Variants in TMEM272 observed in about 807,000 individuals in gnomAD.
The protein encoded by TMEM272 is transmembrane protein 272, also known as long intergenic non-protein coding RNA 282.
In TMEM272, 8 loss-of-function variants were observed where a neutral mutation model predicts 3.7. The ratio of observed to expected loss-of-function variants is 2.17; its 90% CI spans 1.27 to 3.91. The LOEUF (loss-of-function observed/expected upper bound fraction) is 3.91, where lower values mean the gene tolerates loss of function less well. TMEM272 is among the 30% of genes most tolerant of loss of function. The probability of loss-of-function intolerance (pLI) is 0.00; values close to 1 mark genes in which losing one functional copy is unlikely to be tolerated. For synonymous variants in TMEM272, 63 were observed against 39.8 expected, an observed-to-expected ratio of 1.58 and a Z score of -2.20; for missense variants, 166 against 91.5, an observed-to-expected ratio of 1.81 and a Z score of -3.32.
the TMEM272 span, among the ~76,000 whole-genome samples, chr13:51,918,340 G>A: frequency 3.3e-5 from 5 of 152,066 alleles, no homozygotes; most frequent in Admixed American, 1.3e-4. Flanking sequence ...GACACTTCCC[G>A]CTTTAAAAAT....
At chr13:51,913,474 G>A in the TMEM272 span, among the ~76,000 whole-genome samples, 4 of 152,304 alleles carry the variant, frequency 2.6e-5, no homozygotes, top group Admixed American at 2.0e-4. Context: ...CAGTGACAAC[G>A]TGTGCTTACT....
chr13:51,819,365 A>C (rs1022997706), intron 4 of TMEM272, among the ~76,000 whole-genome samples: 3 of 152,180 alleles, frequency 2.0e-5, no homozygotes, highest in Non-Finnish European at 4.4e-5. Flanking sequence ...AGTCCAGCTC[A>C]AGTTTCCATC....
At chr13:51,931,035 A>T in the TMEM272 span, among the ~76,000 whole-genome samples, 1 of 152,204 alleles carries the variant, frequency 6.6e-6, no homozygotes, top group African/African-American at 2.4e-5. Context: ...CTAAGGTCTT[A>T]AAAGACTAAA....
chr13:51,879,662 C>T, the TMEM272 span, among the ~76,000 whole-genome samples: 1 of 152,208 alleles, frequency 6.6e-6, no homozygotes, highest in African/African-American at 2.4e-5. Context: ...GCCCAACATA[C>T]ACATGACCCT....
chr13:51,913,615 C>G, the TMEM272 span, among the ~76,000 whole-genome samples: 2 of 152,176 alleles, frequency 1.3e-5, no homozygotes, highest in African/African-American at 4.8e-5. Context: ...GGCTACAGGG[C>G]TTGGGGCAGC....
chr13:51,910,999 C>G, the TMEM272 span, among the ~76,000 whole-genome samples: 1 of 152,204 alleles, frequency 6.6e-6, no homozygotes, highest in African/African-American at 2.4e-5. Context: ...AAGAAACTCC[C>G]AGCTGACAGA....
upstream of TMEM272, among the ~76,000 whole-genome samples, chr13:51,848,816 T>G (rs560073731): frequency 6.6e-6 from 1 of 152,298 alleles, no homozygotes; most frequent in Non-Finnish European, 1.5e-5. Context: ...TTCCCCAAGA[T>G]TGCACAAAAG....
the TMEM272 span, among the ~76,000 whole-genome samples, chr13:51,869,491 A>ATT: frequency 0.44 from 62,454 of 142,668 alleles, 14,793 homozygotes; most frequent in Non-Finnish European, 0.54. Flanking sequence ...CAATTCAGTA[A>ATT]TTTTTTTTTT....
the TMEM272 span, among the ~76,000 whole-genome samples, chr13:51,889,884 G>A: frequency 5.9e-5 from 9 of 152,066 alleles, no homozygotes; most frequent in Non-Finnish European, 1.2e-4. Flanking sequence ...CAGGTGATCC[G>A]CCCACCTCGG....
chr13:51,887,378 A>G, the TMEM272 span, among the ~76,000 whole-genome samples: 266 of 152,354 alleles, frequency 1.7e-3, no homozygotes, highest in Middle Eastern at 6.8e-3. Context: ...TGGGGCCCCA[A>G]GATGGCAAAG....
intron 3 of TMEM272, among the ~76,000 whole-genome samples, chr13:51,823,214 G>T (rs1471741655): frequency 6.6e-6 from 1 of 152,212 alleles, no homozygotes; most frequent in Non-Finnish European, 1.5e-5. Context: ...GAGTATCTGG[G>T]ATCACAGGGA....
At chr13:51,861,547 A>C in the TMEM272 span, among the ~76,000 whole-genome samples, 1 of 152,222 alleles carries the variant, frequency 6.6e-6, no homozygotes, top group Admixed American at 6.5e-5. Context: ...GAGATTATCT[A>C]ATCTAAGCAA....
the TMEM272 span, among the ~76,000 whole-genome samples, chr13:51,907,315 C>T: frequency 6.6e-6 from 1 of 152,196 alleles, no homozygotes; most frequent in African/African-American, 2.4e-5. Flanking sequence ...GCCTTGCTGA[C>T]CTTGGCAGGT....
At position 51,817,098 on chromosome 13, in the gene TMEM272, A is replaced by G. The variant is rs1325180031; in HGVS notation, c.217T>C (p.Tyr73His). The change falls in exon 5 of 5, where the codon TAC (tyrosine) becomes CAC (histidine). Residue 73 changes from tyrosine to histidine, a missense_variant. Physicochemically the swap from Tyr to His is moderately conservative, Grantham distance 83. Transcript: ENST00000629372. ...VGTLKVSLLL[Y>H]DSTRMRRLLS... is the part of the protein sequence containing the mutation. ...AGCCGCCTCATCCTGGTGGAGTCGT[A>G]CAACAGGAGAGACACCTGGGGCGTG... The G allele has an allele frequency of 1.4e-5, 10 of 702,126 alleles. No homozygotes were observed. In the East Asian group the frequency reaches 2.7e-4, roughly 19 times the overall value. 43.5% of individuals were successfully genotyped at this position (702,126 alleles called of 1,614,324 possible).
At chr13:51,891,868 G>T in the TMEM272 span, among the ~76,000 whole-genome samples, 1 of 152,142 alleles carries the variant, frequency 6.6e-6, no homozygotes, top group Non-Finnish European at 1.5e-5. Context: ...GGGGGTTGGA[G>T]GGGGGCAAGG....
the TMEM272 span, among the ~76,000 whole-genome samples, chr13:51,894,477 T>C: frequency 3.3e-5 from 5 of 152,216 alleles, no homozygotes; most frequent in Non-Finnish European, 7.3e-5. Context: ...TATTCACCCT[T>C]GGAGCCAATC....
At chr13:51,896,325 G>T in the TMEM272 span, among the ~76,000 whole-genome samples, 2 of 150,774 alleles carry the variant, frequency 1.3e-5, no homozygotes, top group Admixed American at 6.6e-5. Context: ...GGGTGTGTGT[G>T]TGTATGAGAG....
intron 2 of TMEM272, among the ~76,000 whole-genome samples, chr13:51,827,293 G>C (rs910096241): frequency 6.6e-6 from 1 of 152,176 alleles, no homozygotes; most frequent in Non-Finnish European, 1.5e-5. Context: ...TCCAAATCCT[G>C]GCCCTGTCAC....
chr13:51,884,116 A>T, the TMEM272 span, among the ~76,000 whole-genome samples: 6 of 152,328 alleles, frequency 3.9e-5, no homozygotes, highest in South Asian at 2.1e-4. Flanking sequence ...ATGTAGCATC[A>T]ATAAAGAGGT....
Sources: allele counts gnomAD v4.1 joint callset (sites outside exome capture counted in the v4.1 genomes callset), GRCh38; gene constraint gnomAD v4.1.1; transcripts MANE v1.5; gene names NCBI Gene and HGNC (gene_info 2026-07-23, HGNC 2026-07-21).